Variants in CTNNA2 observed in about 807,000 individuals in gnomAD.
The protein encoded by CTNNA2 is catenin alpha 2.
A neutral mutation model predicts 101.0 loss-of-function variants in CTNNA2; 42 were observed. The observed-to-expected ratio is 0.42, with a 90% CI of 0.32 to 0.54. CTNNA2 has a LOEUF of 0.54. CTNNA2 is among the 20% of genes least tolerant of loss of function. CTNNA2 has a pLI of 0.14. For missense variants in CTNNA2, 871 were observed against 1,223.1 expected (o/e 0.71, Z 4.29); for synonymous variants, 450 against 456.4 (o/e 0.99, Z 0.18).
At chr2:79,408,232 C>T (rs968962471) in intron 4 of CTNNA2, among the ~76,000 whole-genome samples, 1 of 151,682 alleles carries the variant, frequency 6.6e-6, no homozygotes, top group African/African-American at 2.4e-5. Flanking sequence ...AGAGCCTGGA[C>T]CTTTGACATG....
At chr2:80,368,414 C>G (rs551757787) in intron 7 of CTNNA2, among the ~76,000 whole-genome samples, 1 of 152,060 alleles carries the variant, frequency 6.6e-6, no homozygotes, top group African/African-American at 2.4e-5. Context: ...AAGCTAATTC[C>G]CATCATATAA....
intron 3 of CTNNA2, among the ~76,000 whole-genome samples, chr2:79,848,203 G>A (rs571076865): frequency 1.3e-5 from 2 of 152,166 alleles, no homozygotes; most frequent in South Asian, 2.1e-4. Flanking sequence ...GTATATATAC[G>A]ATATAGTGTC....
chr2:79,462,305 A>C (rs1416598522), intron 4 of CTNNA2, among the ~76,000 whole-genome samples: 1 of 152,222 alleles, frequency 6.6e-6, no homozygotes, highest in Non-Finnish European at 1.5e-5. Flanking sequence ...GAAATAAAAA[A>C]CACAGGCATG....
At chr2:80,424,604 C>G (rs1290820809) in intron 9 of CTNNA2, among the ~76,000 whole-genome samples, 1 of 152,146 alleles carries the variant, frequency 6.6e-6, no homozygotes, top group African/African-American at 2.4e-5. Flanking sequence ...AATCAAAGAT[C>G]AAAGTGACTT....
At chr2:79,904,654 A>C (rs1351376895) in intron 6 of CTNNA2, among the ~76,000 whole-genome samples, 2 of 152,192 alleles carry the variant, frequency 1.3e-5, no homozygotes, top group Non-Finnish European at 1.5e-5. Context: ...CTATTCAATA[A>C]GATGGGAAGA....
At chr2:79,875,297 T>G (rs1682930418) in intron 6 of CTNNA2, among the ~76,000 whole-genome samples, 1 of 152,294 alleles carries the variant, frequency 6.6e-6, no homozygotes, top group South Asian at 2.1e-4. Flanking sequence ...AAGTTGGAAT[T>G]TATTTATCTT....
intron 3 of CTNNA2, among the ~76,000 whole-genome samples, chr2:79,344,389 A>C (rs1336698388): frequency 6.6e-6 from 1 of 152,190 alleles, no homozygotes; most frequent in African/African-American, 2.4e-5. Flanking sequence ...ACATGGTTTA[A>C]ATTCAGTGAT....
At chr2:79,820,070 CAGAT>C (rs1677883031) in intron 3 of CTNNA2, among the ~76,000 whole-genome samples, 2 of 139,614 alleles carry the variant, frequency 1.4e-5, no homozygotes, top group African/African-American at 5.6e-5. Context: ...TGTAAATCCT[CAGAT>C]AAATATATGT....
At chr2:79,393,707 G>A (rs770813275) in intron 4 of CTNNA2, among the ~76,000 whole-genome samples, 1 of 151,002 alleles carries the variant, frequency 6.6e-6, no homozygotes, top group Non-Finnish European at 1.5e-5. Context: ...GCAGGAATGT[G>A]GACATACTTT....
chr2:80,269,501 G>A (rs1400233087), intron 7 of CTNNA2, among the ~76,000 whole-genome samples: 1 of 152,048 alleles, frequency 6.6e-6, no homozygotes, highest in Non-Finnish European at 1.5e-5. Flanking sequence ...TGATGCAAAA[G>A]GATACCTTAA....
intron 1 of CTNNA2, among the ~76,000 whole-genome samples, chr2:79,189,111 C>T (rs1421985346): frequency 6.6e-6 from 1 of 152,116 alleles, no homozygotes; most frequent in Non-Finnish European, 1.5e-5. Context: ...GCTGGTTAGA[C>T]CCACGTTGGC....
chr2:79,472,307 G>A (rs1217466865), intron 4 of CTNNA2, among the ~76,000 whole-genome samples: 1 of 152,180 alleles, frequency 6.6e-6, no homozygotes, highest in African/African-American at 2.4e-5. Context: ...GGTACTGCAC[G>A]TGCAGCCCTG....
chr2:80,458,428 A>G (rs1193021111), intron 9 of CTNNA2, among the ~76,000 whole-genome samples: 1 of 152,180 alleles, frequency 6.6e-6, no homozygotes, highest in Non-Finnish European at 1.5e-5. Context: ...TGACAAGTAA[A>G]TAAATTTATG....
chr2:79,480,757 T>C (rs530206539), intron 4 of CTNNA2, among the ~76,000 whole-genome samples: 1 of 152,348 alleles, frequency 6.6e-6, no homozygotes, highest in African/African-American at 2.4e-5. Flanking sequence ...TTCTTTTCCA[T>C]GACCATATAA....
intron 2 of CTNNA2, among the ~76,000 whole-genome samples, chr2:79,305,905 G>T (rs1676229544): frequency 6.6e-6 from 1 of 151,916 alleles, no homozygotes. Context: ...AATTAGCTGG[G>T]CATGGTGGCG....
chr2:79,595,515 T>C (rs1677131376), intron 1 of CTNNA2, among the ~76,000 whole-genome samples: 1 of 152,128 alleles, frequency 6.6e-6, no homozygotes, highest in African/African-American at 2.4e-5. Flanking sequence ...ATTTCTATCT[T>C]AGTGGATGCC....
intron 4 of CTNNA2, among the ~76,000 whole-genome samples, chr2:79,419,432 C>T (rs537748475): frequency 6.6e-6 from 1 of 152,018 alleles, no homozygotes; most frequent in Admixed American, 6.6e-5. Context: ...GAAATTACTA[C>T]ACTAATGCAA....
chr2:80,383,932 G>A (rs112340782), intron 7 of CTNNA2, among the ~76,000 whole-genome samples: 7,205 of 152,108 alleles, frequency 0.047, 564 homozygotes, highest in African/African-American at 0.16. Context: ...GACCATCAAC[G>A]GTAGAATGGA....
At chr2:79,868,543 A>G (rs1682322760) in intron 4 of CTNNA2, among the ~76,000 whole-genome samples, 1 of 152,256 alleles carries the variant, frequency 6.6e-6, no homozygotes, top group East Asian at 1.9e-4. Context: ...GTCAAGCCTC[A>G]ATTAAGTTCA....
Sources: allele counts gnomAD v4.1 joint callset (sites outside exome capture counted in the v4.1 genomes callset), GRCh38; gene constraint gnomAD v4.1.1; transcripts MANE v1.5; gene names NCBI Gene and HGNC (gene_info 2026-07-23, HGNC 2026-07-21).